GRM7: variants seen among roughly 807,000 people sequenced by gnomAD.
GRM7 encodes the protein glutamate metabotropic receptor 7.
Under a neutral mutation model 84.5 loss-of-function variants are expected in GRM7, and 35 were observed. The observed-to-expected ratio is 0.41, with a 90% CI of 0.32 to 0.55. The LOEUF is 0.55. Ranked by LOEUF, GRM7 falls within the 20% of genes least tolerant of loss-of-function variation. The probability of loss-of-function intolerance (pLI) is 0.19; values close to 1 mark genes in which losing one functional copy is unlikely to be tolerated. For synonymous variants in GRM7, 487 were observed against 455.1 expected, an observed-to-expected ratio of 1.07 and a Z score of -0.89; for missense variants, 1,003 against 1,194.6, an observed-to-expected ratio of 0.84 and a Z score of 2.36.
At chr3:7,187,891 C>G (rs1475247698) in intron 2 of GRM7, among the ~76,000 whole-genome samples, 1 of 152,134 alleles carries the variant, frequency 6.6e-6, no homozygotes, top group Non-Finnish European at 1.5e-5. Context: ...TGTCCAAGCC[C>G]TACCTTCAGA....
intron 7 of GRM7, among the ~76,000 whole-genome samples, chr3:7,568,199 C>T (rs2125042946): frequency 6.6e-6 from 1 of 152,014 alleles, no homozygotes; most frequent in Admixed American, 6.5e-5. Flanking sequence ...GCCTGGCAGG[C>T]CCCAGAAGGG....
chr3:7,730,207 C>G (rs1054630512), intron 9 of GRM7, among the ~76,000 whole-genome samples: 1 of 151,674 alleles, frequency 6.6e-6, no homozygotes, highest in Non-Finnish European at 1.5e-5. Context: ...AGGGTTTCAC[C>G]ATGTTGGCCA....
intron 8 of GRM7, among the ~76,000 whole-genome samples, chr3:7,641,334 C>A (rs548573080): frequency 6.6e-6 from 1 of 152,270 alleles, no homozygotes; most frequent in South Asian, 2.1e-4. Flanking sequence ...GAAAGAAGAA[C>A]TGACAATATA....
intron 4 of GRM7, 104 bp downstream of exon 4, chr3:7,306,756 T>G: frequency 1.1e-6 from 1 of 935,748 alleles, no homozygotes; most frequent in East Asian, 2.7e-5. Context: ...ACCAAACTCA[T>G]GTGGGGTTGT....
At chr3:7,513,581 A>G (rs1230577791) in intron 7 of GRM7, among the ~76,000 whole-genome samples, 3 of 152,150 alleles carry the variant, frequency 2.0e-5, no homozygotes, top group African/African-American at 4.8e-5. Flanking sequence ...AATTCATTGT[A>G]TGTTTCAAAA....
chr3:7,646,489 G>A (rs373203625), intron 8 of GRM7, among the ~76,000 whole-genome samples: 44 of 152,130 alleles, frequency 2.9e-4, no homozygotes, highest in South Asian at 1.7e-3. Context: ...GCCATGCCCC[G>A]CTGACCACAG....
At chr3:6,931,015 G>A (rs192909183) in intron 1 of GRM7, among the ~76,000 whole-genome samples, 23 of 152,122 alleles carry the variant, frequency 1.5e-4, no homozygotes, top group Non-Finnish European at 2.6e-4. Context: ...ACTCATAATC[G>A]CTTCTATCAA....
chr3:7,537,705 A>G (rs1316486955), intron 7 of GRM7, among the ~76,000 whole-genome samples: 2 of 152,242 alleles, frequency 1.3e-5, no homozygotes, highest in Non-Finnish European at 2.9e-5. Flanking sequence ...GATGGAATGC[A>G]TAAGCTTACT....
intron 7 of GRM7, among the ~76,000 whole-genome samples, chr3:7,534,747 A>G (rs1701177157): frequency 6.6e-6 from 1 of 152,188 alleles, no homozygotes; most frequent in Admixed American, 6.5e-5. Flanking sequence ...GTATATATCT[A>G]GTTGTTGGCA....
At chr3:7,713,114 A>ATTTTGTTTTTTTT (rs1701638879) in intron 9 of GRM7, among the ~76,000 whole-genome samples, 1 of 129,854 alleles carries the variant, frequency 7.7e-6, no homozygotes, top group African/African-American at 3.1e-5. Context: ...GAGGATTCGA[A>ATTTTGTTTTTTTT]TTTTGTTTTG....
intron 1 of GRM7, among the ~76,000 whole-genome samples, chr3:6,880,313 C>T (rs191443): frequency 0.62 from 94,225 of 152,010 alleles, 29,625 homozygotes; most frequent in South Asian, 0.66. Context: ...GGTGCAATTA[C>T]ATAATTATAC....
chr3:7,595,489 A>G (rs1695995344), intron 8 of GRM7, among the ~76,000 whole-genome samples: 1 of 152,198 alleles, frequency 6.6e-6, no homozygotes. Context: ...AGTATGTAAT[A>G]TATCAGTTGC....
chr3:7,306,552 G>A lies in GRM7; in HGVS notation c.933G>A (p.Val311=). The A allele has an allele frequency of 1.2e-6, 2 of 1,613,792 alleles. No homozygotes were observed. The highest frequency in any genetic ancestry group is 1.1e-5 in the South Asian group (1 of 91,080). ...RADQVGHFLW[V]GSDSWGSKIN... is the part of the protein sequence containing the mutation. ...ACCAAGTTGGCCATTTTCTTTGGGT[G>A]GGATCAGACAGCTGGGGATCCAAAA... Residue 311 remains valine, a synonymous_variant, in exon 4 of 10, where the codon GTG becomes GTA. Transcript: ENST00000357716.
At chr3:7,421,297 A>T (rs1375405031) in intron 5 of GRM7, among the ~76,000 whole-genome samples, 7 of 152,186 alleles carry the variant, frequency 4.6e-5, no homozygotes, top group Non-Finnish European at 7.3e-5. Context: ...AAGCAAGATG[A>T]TTAGGCAATG....
intron 1 of GRM7, among the ~76,000 whole-genome samples, chr3:7,117,314 A>G (rs1693069645): frequency 1.3e-5 from 2 of 152,184 alleles, no homozygotes; most frequent in South Asian, 4.1e-4. Context: ...TTCTTTTCTG[A>G]AGAATCTGAA....
chr3:7,029,327 AC>A (rs1361900948), intron 1 of GRM7, among the ~76,000 whole-genome samples: 41 of 115,294 alleles, frequency 3.6e-4, no homozygotes, highest in Admixed American at 2.2e-3. Flanking sequence ...AAAAAAAAAA[AC>A]AAACAAAAAA....
At chr3:7,715,883 T>C (rs1701756265) in intron 9 of GRM7, among the ~76,000 whole-genome samples, 1 of 152,170 alleles carries the variant, frequency 6.6e-6, no homozygotes, top group Non-Finnish European at 1.5e-5. Flanking sequence ...CTACTGCAGG[T>C]ATTTGTCTCT....
chr3:7,486,090 AG>A lies in GRM7; in HGVS notation c.1515+24370del, dbSNP rs1699310732. 6.6e-6 allele frequency among the ~76,000 whole-genome samples: 1 copy of A among 152,224 alleles called. No homozygotes were observed. The highest frequency in any genetic ancestry group is 1.5e-5 in the Non-Finnish European group (1 of 68,046). On this transcript the variant is annotated intron_variant, in intron 7 of 9. Coordinates refer to ENST00000357716, the MANE Select transcript of GRM7 (RefSeq NM_000844.4). The surrounding 1 kb of genome is among the most constrained non-coding windows in gnomAD (Gnocchi z 5.5). ...ACTTTAAAGTTCTTCAAAGAGTCAA[AG>A]GATGAGATAAAATATGGATTTTAAA... is the stretch of plus-strand genomic sequence containing the variant.
At chr3:7,645,193 C>G (rs146721668) in intron 8 of GRM7, among the ~76,000 whole-genome samples, 2,219 of 152,086 alleles carry the variant, frequency 0.015, 64 homozygotes, top group African/African-American at 0.05. Context: ...TCACATTTTC[C>G]TAAACTGAGG....
Sources: allele counts gnomAD v4.1 joint callset (sites outside exome capture counted in the v4.1 genomes callset), GRCh38; gene constraint gnomAD v4.1.1; non-coding constraint Gnocchi (gnomAD v3.1); transcripts MANE v1.5; gene names NCBI Gene and HGNC (gene_info 2026-07-23, HGNC 2026-07-21).